TMTC1: variants seen among roughly 807,000 people sequenced by gnomAD.
TMTC1 encodes the protein transmembrane O-mannosyltransferase targeting cadherins 1, also known as protein O-mannosyl-transferase TMTC1.
TMTC1 carries 73 observed loss-of-function variants against 104.8 expected under a neutral mutation model. The ratio of observed to expected loss-of-function variants is 0.70; its 90% confidence interval spans 0.58 to 0.85. The LOEUF (loss-of-function observed/expected upper bound fraction) is 0.85, where lower values mean the gene tolerates loss of function less well. Ranked by LOEUF, TMTC1 falls within the 40% of genes least tolerant of loss-of-function variation. The probability of loss-of-function intolerance (pLI) is 0.00; values close to 1 mark genes in which losing one functional copy is unlikely to be tolerated. For missense variants in TMTC1, 1,035 were observed against 1,096.1 expected (o/e 0.94, Z 0.79); for synonymous variants, 434 against 428.7 (o/e 1.01, Z -0.15).
intron 6 of TMTC1, among the ~76,000 whole-genome samples, chr12:29,628,730 C>T (rs1338582477): frequency 2.6e-5 from 4 of 152,104 alleles, no homozygotes; most frequent in African/African-American, 4.8e-5. Context: ...GGTGCGATCT[C>T]GGCTCACTGC....
At chr12:29,692,621 T>C (rs1161511545) in intron 5 of TMTC1, among the ~76,000 whole-genome samples, 1 of 145,170 alleles carries the variant, frequency 6.9e-6, no homozygotes. Context: ...CTATATAAAG[T>C]GGCAATTCCT....
chr12:29,583,065 C>T (rs934018172), intron 8 of TMTC1, among the ~76,000 whole-genome samples: 3 of 152,192 alleles, frequency 2.0e-5, no homozygotes, highest in Non-Finnish European at 4.4e-5. Context: ...GCTGTGTGCT[C>T]ACTTTTCACA....
At chr12:29,528,318 C>T (rs1282709043) in intron 11 of TMTC1, among the ~76,000 whole-genome samples, 1 of 151,888 alleles carries the variant, frequency 6.6e-6, no homozygotes, top group Non-Finnish European at 1.5e-5. Flanking sequence ...TATTTGTGAC[C>T]CAGGGAATGG....
chr12:29,659,485 C>T (rs926849306), intron 5 of TMTC1, among the ~76,000 whole-genome samples: 15 of 152,330 alleles, frequency 9.8e-5, no homozygotes, highest in African/African-American at 3.4e-4. Flanking sequence ...TGCACACAGT[C>T]AGCTCACCAT....
chr12:29,669,640 T>C (rs1940429057), intron 5 of TMTC1, among the ~76,000 whole-genome samples: 1 of 152,210 alleles, frequency 6.6e-6, no homozygotes. Context: ...AAGCATGTGT[T>C]ACGTTTACTT....
chr12:29,507,381 G>A (rs1300337100), intron 17 of TMTC1, among the ~76,000 whole-genome samples: 1 of 152,146 alleles, frequency 6.6e-6, no homozygotes, highest in Non-Finnish European at 1.5e-5. Flanking sequence ...TGAGAGATGA[G>A]AAAATGTTTT....
At chr12:29,707,250 G>T (rs996693477) in intron 5 of TMTC1, among the ~76,000 whole-genome samples, 1 of 152,102 alleles carries the variant, frequency 6.6e-6, no homozygotes, top group Non-Finnish European at 1.5e-5. Flanking sequence ...CTACCATGTT[G>T]GTTCGCATGA....
intron 5 of TMTC1, among the ~76,000 whole-genome samples, chr12:29,678,775 AG>A (rs1940815783): frequency 6.6e-6 from 1 of 152,196 alleles, no homozygotes; most frequent in African/African-American, 2.4e-5. Flanking sequence ...AAGCAACATT[AG>A]TGTCTCAGTA....
At chr12:29,746,376 A>T (rs2136957874) in intron 5 of TMTC1, among the ~76,000 whole-genome samples, 1 of 152,336 alleles carries the variant, frequency 6.6e-6, no homozygotes, top group South Asian at 2.1e-4. Flanking sequence ...CAGGCTTTCA[A>T]CATAGATTTG....
chr12:29,743,299 G>A (rs778467982), intron 5 of TMTC1, among the ~76,000 whole-genome samples: 8 of 152,088 alleles, frequency 5.3e-5, no homozygotes, highest in Non-Finnish European at 7.4e-5. Context: ...AACCTCATAC[G>A]TTTCGCAAGA....
intron 8 of TMTC1, among the ~76,000 whole-genome samples, chr12:29,579,063 G>C (rs1420989510): frequency 2.6e-5 from 4 of 152,266 alleles, no homozygotes; most frequent in South Asian, 2.1e-4. Context: ...GAGAGATTAA[G>C]ACCTTTTTGT....
At chr12:29,759,943 A>G (rs1289328129) in intron 2 of TMTC1, among the ~76,000 whole-genome samples, 1 of 152,236 alleles carries the variant, frequency 6.6e-6, no homozygotes, top group Non-Finnish European at 1.5e-5. Context: ...TATGCATTCA[A>G]TAACAACTTT....
intron 8 of TMTC1, among the ~76,000 whole-genome samples, chr12:29,573,054 ACT>A (rs2136302768): frequency 6.6e-6 from 1 of 150,682 alleles, no homozygotes; most frequent in Admixed American, 6.6e-5. Flanking sequence ...AGTGTGAAAG[ACT>A]CTCTCTCGCT....
At chr12:29,592,579 C>T (rs1212630070) in intron 7 of TMTC1, among the ~76,000 whole-genome samples, 1 of 152,172 alleles carries the variant, frequency 6.6e-6, no homozygotes, top group African/African-American at 2.4e-5. Flanking sequence ...CTCCTCTCAG[C>T]CTCATAGTCC....
At chr12:29,652,948 G>C (rs1939592672) in intron 5 of TMTC1, among the ~76,000 whole-genome samples, 2 of 152,056 alleles carry the variant, frequency 1.3e-5, no homozygotes, top group South Asian at 4.1e-4. Flanking sequence ...TGTAATCCCA[G>C]CTATTCAGGA....
intron 5 of TMTC1, among the ~76,000 whole-genome samples, chr12:29,734,232 A>G (rs1047439911): frequency 6.6e-6 from 1 of 152,214 alleles, no homozygotes; most frequent in African/African-American, 2.4e-5. Flanking sequence ...CTTAATTTCC[A>G]GGAAAGTACA....
intron 16 of TMTC1, 63 bp from the exon 17 acceptor site, chr12:29,512,183 ACCAC>A: frequency 7.3e-7 from 1 of 1,372,340 alleles, no homozygotes; most frequent in Non-Finnish European, 1.0e-6. Flanking sequence ...GATTGCAGAA[ACCAC>A]TTTCTTCACG....
At chr12:29,598,312 G>A (rs183371806) in intron 7 of TMTC1, among the ~76,000 whole-genome samples, 7 of 152,324 alleles carry the variant, frequency 4.6e-5, no homozygotes, top group South Asian at 2.1e-4. Context: ...AACAGAGGCT[G>A]TGTAACTTCA....
chr12:29,623,084 A>G (rs1167223744), intron 6 of TMTC1, among the ~76,000 whole-genome samples: 1 of 152,236 alleles, frequency 6.6e-6, no homozygotes, highest in Non-Finnish European at 1.5e-5. Context: ...GAAACAGTTC[A>G]ACTAGAGATG....
Sources: allele counts gnomAD v4.1 joint callset (sites outside exome capture counted in the v4.1 genomes callset), GRCh38; gene constraint gnomAD v4.1.1; transcripts MANE v1.5; gene names NCBI Gene and HGNC (gene_info 2026-07-23, HGNC 2026-07-21).